The following TMC1 variants were observed in gnomAD, a reference collection of about 807,000 sequenced individuals.
The protein encoded by TMC1 is transmembrane channel-like protein 1.
Under a neutral mutation model 105.8 loss-of-function variants are expected in TMC1, and 84 were observed. The observed-to-expected ratio is 0.79, with a 90% CI of 0.67 to 0.95. TMC1 has a LOEUF of 0.95. Ranked by LOEUF, TMC1 falls within the 40% of genes least tolerant of loss-of-function variation. TMC1 has a pLI of 0.00. For synonymous variants in TMC1, 315 were observed against 311.5 expected, an observed-to-expected ratio of 1.01 and a Z score of -0.12; for missense variants, 817 against 914.1, an observed-to-expected ratio of 0.89 and a Z score of 1.37.
intron 1 of TMC1, among the ~76,000 whole-genome samples, chr9:72,527,964 TC>T (rs896666705): frequency 6.6e-6 from 1 of 151,972 alleles, no homozygotes; most frequent in African/African-American, 2.4e-5. Context: ...TTGCGATACT[TC>T]CCCCCTCCCC....
At chr9:72,618,147 G>A (rs1825171640) in intron 3 of TMC1, among the ~76,000 whole-genome samples, 1 of 147,256 alleles carries the variant, frequency 6.8e-6, no homozygotes, top group Non-Finnish European at 1.5e-5. Flanking sequence ...TCTTGCCTCA[G>A]CCTCTCGAGT....
intron 12 of TMC1, among the ~76,000 whole-genome samples, chr9:72,757,258 T>G (rs891093701): frequency 1.3e-5 from 2 of 152,216 alleles, no homozygotes; most frequent in Non-Finnish European, 2.9e-5. Flanking sequence ...GTCTGCATCA[T>G]GCAGTGAACT....
chr9:72,806,735 C>T (rs1488419636), intron 18 of TMC1, among the ~76,000 whole-genome samples: 1 of 150,238 alleles, frequency 6.7e-6, no homozygotes, highest in Admixed American at 6.6e-5. Context: ...TCCTCACTTC[C>T]TAGGTGGGAT....
chr9:72,603,848 G>GT (rs534608884), intron 2 of TMC1, among the ~76,000 whole-genome samples: 1,309 of 74,006 alleles, frequency 0.018, 125 homozygotes, highest in East Asian at 0.024. Context: ...GCGACCGGCT[G>GT]TTTTTTTTTT....
intron 4 of TMC1, among the ~76,000 whole-genome samples, chr9:72,643,191 G>A (rs1031367888): frequency 2.8e-5 from 4 of 143,760 alleles, no homozygotes; most frequent in African/African-American, 5.2e-5. Flanking sequence ...CAACTTTCCC[G>A]CTTTTTTAGA....
intron 20 of TMC1, among the ~76,000 whole-genome samples, chr9:72,823,842 T>A (rs1013977246): frequency 1.3e-5 from 2 of 152,256 alleles, no homozygotes; most frequent in Admixed American, 1.3e-4. Context: ...AGATAATATG[T>A]GTTTATGCTA....
chr9:72,557,602 G>A (rs947386010), intron 1 of TMC1, among the ~76,000 whole-genome samples: 4 of 152,204 alleles, frequency 2.6e-5, no homozygotes, highest in Admixed American at 2.6e-4. Flanking sequence ...ATGTCCCCCA[G>A]ATCTAGGTTG....
intron 18 of TMC1, among the ~76,000 whole-genome samples, chr9:72,809,317 G>A (rs1439314488): frequency 6.6e-6 from 1 of 152,196 alleles, no homozygotes; most frequent in East Asian, 1.9e-4. Context: ...TCCTGGGTTA[G>A]TAGAAAGTAC....
Position 72,751,874 on chromosome 9 carries a change from C to T in TMC1, c.560C>T (p.Ser187Leu). 1 of 1,613,128 alleles carries T rather than the reference C, an allele frequency of 6.2e-7. No homozygotes were observed. ...IESQFGSSVA[S>L]YFLFLRWMYG... Reference sequence around the variant, plus strand: ...GGTCAGTTTGGCTCCTCAGTGGCCTCATACTTCCTCTTCTTGAGATGGATG... The same window carrying T: ...GGTCAGTTTGGCTCCTCAGTGGCCTTATACTTCCTCTTCTTGAGATGGATG... Residue 187 changes from serine to leucine, a missense_variant, in exon 11 of 24, where the codon TCA (serine) becomes TTA (leucine). Physicochemically the swap from Ser to Leu is moderately radical, Grantham distance 145. Transcript: ENST00000297784.
At chr9:72,682,408 T>C (rs1826303423) in intron 5 of TMC1, among the ~76,000 whole-genome samples, 1 of 152,172 alleles carries the variant, frequency 6.6e-6, no homozygotes, top group Non-Finnish European at 1.5e-5. Flanking sequence ...AGCTTACAGG[T>C]TTATTAAGGT....
chr9:72,789,452 T>C, intron 15 of TMC1, 135 bp downstream of exon 15: 1 of 760,468 alleles, frequency 1.3e-6, no homozygotes, highest in Non-Finnish European at 2.2e-6. Flanking sequence ...TAACCAACCC[T>C]GTTGCTCATT....
At chr9:72,766,619 A>G (rs535095503) in intron 12 of TMC1, among the ~76,000 whole-genome samples, 1 of 152,182 alleles carries the variant, frequency 6.6e-6, no homozygotes, top group Non-Finnish European at 1.5e-5. Context: ...CAGGGGGACA[A>G]GAGTACCAAT....
At chr9:72,567,673 C>T (rs907500895) in intron 1 of TMC1, among the ~76,000 whole-genome samples, 2 of 152,122 alleles carry the variant, frequency 1.3e-5, no homozygotes, top group African/African-American at 4.8e-5. Flanking sequence ...GATCCGATTG[C>T]CTCTACCTGG....
At chr9:72,828,491 A>G (rs2118324458) in intron 21 of TMC1, among the ~76,000 whole-genome samples, 1 of 152,292 alleles carries the variant, frequency 6.6e-6, no homozygotes, top group Admixed American at 6.5e-5. Context: ...ATTAGGAGAC[A>G]TGTTTATTTT....
chr9:72,675,395 A>C (rs1826187011), intron 5 of TMC1, among the ~76,000 whole-genome samples: 2 of 152,178 alleles, frequency 1.3e-5, no homozygotes, highest in South Asian at 4.1e-4. Context: ...TTACTGTCTA[A>C]AACTAAGATG....
chr9:72,830,792 G>T, intron 23 of TMC1, 110 bp downstream of exon 23: 1 of 906,340 alleles, frequency 1.1e-6, no homozygotes. Context: ...CATTATTGCT[G>T]TGAGCGAGTC....
At chr9:72,825,859 A>C (rs1828943849) in intron 20 of TMC1, among the ~76,000 whole-genome samples, 1 of 124,144 alleles carries the variant, frequency 8.1e-6, no homozygotes, top group African/African-American at 3.1e-5. Flanking sequence ...TTGTGAAGCA[A>C]AACTTGTACC....
chr9:72,792,172 C>G lies in TMC1; in HGVS notation c.1405-19C>G. On this transcript the variant is annotated intron_variant, in intron 16 of 23. Coordinates refer to ENST00000297784, the MANE Select transcript of TMC1 (RefSeq NM_138691.3). ...ATCTCTGTTGTCTTCATTTTAGTTT[C>G]TATCTCTTTGCTTTCTAGATTGAAG... The G allele has an allele frequency of 6.2e-7, 1 of 1,614,068 alleles. No homozygotes were observed. The highest frequency in any genetic ancestry group is 8.5e-7 in the Non-Finnish European group (1 of 1,179,986).
At chr9:72,608,413 T>G (rs1250770480) in intron 2 of TMC1, among the ~76,000 whole-genome samples, 1 of 152,136 alleles carries the variant, frequency 6.6e-6, no homozygotes, top group Non-Finnish European at 1.5e-5. Flanking sequence ...TGGCTGGAGA[T>G]TAAGTGTTGC....
Sources: allele counts gnomAD v4.1 joint callset (sites outside exome capture counted in the v4.1 genomes callset), GRCh38; gene constraint gnomAD v4.1.1; transcripts MANE v1.5; gene names NCBI Gene and HGNC (gene_info 2026-07-23, HGNC 2026-07-21).